Variants in ZNF493 observed in about 807,000 individuals in gnomAD.
ZNF493 encodes the protein zinc finger protein 493.
A neutral mutation model predicts 12.2 loss-of-function variants in ZNF493; 11 were observed. That is an observed-to-expected ratio of 0.90 (90% CI 0.57 to 1.50). The LOEUF is 1.50. ZNF493 is among the 40% of genes most tolerant of loss of function. ZNF493 has a pLI of 0.00. For missense variants in ZNF493, 950 were observed against 906.6 expected (o/e 1.05, Z -0.61); for synonymous variants, 286 against 302.6 (o/e 0.95, Z 0.57).
At chr19:21,401,058 C>G (rs1461348270) in intron 1 of ZNF493, among the ~76,000 whole-genome samples, 1 of 152,118 alleles carries the variant, frequency 6.6e-6, no homozygotes, top group African/African-American at 2.4e-5. Context: ...ATGCTTCCAG[C>G]TTGTGTTCAT....
rs1422039519 is a variant in ZNF493 at position 21,425,873 on chromosome 19, A to C, written c.*889A>C. The C allele has an allele frequency of 1.5e-5, 9 of 592,744 alleles. No homozygotes were observed. Among genetic ancestry groups the C allele is most frequent in the Non-Finnish European group, 2.9e-5 (9 of 312,532 alleles). 36.7% of individuals were successfully genotyped at this position (592,744 alleles called of 1,614,324 possible). A position where few individuals can be genotyped will look rare whatever the true frequency, so the allele number is the denominator to read the frequency against. On this transcript the variant is annotated 3_prime_UTR_variant, in exon 4 of 4. Transcript: ENST00000392288. ...CCATACAACTGTGAAGAATGTGGCAAAGCTTTTAACCAGTCCTCAAACTTT... is the reference window on the plus strand; with the variant it reads ...CCATACAACTGTGAAGAATGTGGCACAGCTTTTAACCAGTCCTCAAACTTT...
intron 3 of ZNF493, among the ~76,000 whole-genome samples, chr19:21,406,542 T>C (rs1452498008): frequency 1.3e-5 from 2 of 152,192 alleles, no homozygotes; most frequent in African/African-American, 4.8e-5. Flanking sequence ...AATATCTGCA[T>C]CTGCATGATT....
chr19:21,411,570 A>C (rs1236668953), intron 3 of ZNF493, among the ~76,000 whole-genome samples: 1 of 151,978 alleles, frequency 6.6e-6, no homozygotes, highest in Non-Finnish European at 1.5e-5. Context: ...AATACAAAAA[A>C]TTAGCAGGGT....
chr19:21,420,892 C>T (rs2030656789), intron 3 of ZNF493, among the ~76,000 whole-genome samples: 1 of 151,110 alleles, frequency 6.6e-6, no homozygotes, highest in Non-Finnish European at 1.5e-5. Flanking sequence ...GCTGGGATTA[C>T]AGGCAGGCAC....
chr19:21,422,036 G>T (rs1394457750), intron 3 of ZNF493, among the ~76,000 whole-genome samples: 1 of 152,096 alleles, frequency 6.6e-6, no homozygotes, highest in African/African-American at 2.4e-5. Flanking sequence ...AGTAGAGATG[G>T]GGTTTCACCA....
chr19:21,423,035 T>C lies in ZNF493; in HGVS notation c.376T>C (p.Cys126Arg). 2 of 1,613,502 alleles carry C rather than the reference T, an allele frequency of 1.2e-6. No individual in the cohort carries two copies. The highest frequency in any genetic ancestry group is 1.7e-6 in the Non-Finnish European group (2 of 1,179,784). Residue 126 changes from cysteine to arginine, a missense_variant, in exon 4 of 4, where the codon TGT becomes CGT. Cys to Arg is a radical substitution (Grantham distance 180). Transcript: ENST00000392288. ...TAAGGATTTACAGTTAAGAAAAGGA[T>C]GTAAAAGTATGAATGAGTGTAATGT... is the stretch of plus-strand genomic sequence containing the variant. ...GHKDLQLRKG[C>R]KSMNECNVHK... is the part of the protein sequence containing the mutation.
In ZNF493 at chr19:21,424,910, A is replaced by C. The variant is rs1355834943; in HGVS notation, c.2251A>C (p.Arg751=). The C allele has an allele frequency of 6.2e-7, 1 of 1,612,762 alleles. No homozygotes were observed. The highest frequency in any genetic ancestry group is 8.5e-7 in the Non-Finnish European group (1 of 1,179,370). ...YKCEACGKAF[R]RSSHLSRHKI... ...ATGTGAAGCATGTGGCAAAGCTTTTAGGCGGTCTTCACATCTTAGTAGACA... is the reference window on the plus strand; with the variant it reads ...ATGTGAAGCATGTGGCAAAGCTTTTCGGCGGTCTTCACATCTTAGTAGACA... Residue 751 remains arginine (R), a synonymous_variant, in exon 4 of 4, where the codon AGG becomes CGG. Transcript: ENST00000392288.
chr19:21,425,083 A>G lies in ZNF493; in HGVS notation c.*99A>G. ...ACCCTTAATACACATAAGATAATTA[A>G]TGCTGGAGAGAAACCCTACAAATGT... On this transcript the variant is annotated 3_prime_UTR_variant, in exon 4 of 4. Coordinates refer to ENST00000392288, the MANE Select transcript of ZNF493 (RefSeq NM_001076678.3). 8.8e-7 allele frequency: 1 copy of G among 1,140,000 alleles called. No homozygotes were observed. The highest frequency in any genetic ancestry group is 2.6e-5 in the East Asian group (1 of 38,416). 70.6% of individuals were successfully genotyped at this position (1,140,000 alleles called of 1,614,324 possible).
intron 3 of ZNF493, chr19:21,413,322 AG>A (rs777977569): frequency 8.7e-5 from 34 of 389,866 alleles, no homozygotes; most frequent in Non-Finnish European, 1.4e-4. Flanking sequence ...CATTATTACC[AG>A]CCAAGATAGA....
chr19:21,399,748 T>G (rs1374162726), intron 1 of ZNF493, among the ~76,000 whole-genome samples: 1 of 152,150 alleles, frequency 6.6e-6, no homozygotes, highest in African/African-American at 2.4e-5. Flanking sequence ...CAAACAGAAT[T>G]TCAAGGCTTA....
At position 21,424,964 on chromosome 19, in the gene ZNF493, G is replaced by A. The variant is rs765697403; in HGVS notation, c.2305G>A (p.Glu769Lys). Residue 769 changes from glutamate to lysine, a missense_variant, in exon 4 of 4, where the codon GAA (glutamate) becomes AAA (lysine). Coordinates refer to ENST00000392288, the MANE Select transcript of ZNF493 (RefSeq NM_001076678.3). ...HKIIHIGIHT[E>K]ETVQK Reference sequence around the variant, plus strand: ...GATAATTCATATTGGAATTCATACTGAAGAGACTGTACAAAAGTGAAGAAT... The same window carrying A: ...GATAATTCATATTGGAATTCATACTAAAGAGACTGTACAAAAGTGAAGAAT... The A allele has an allele frequency of 1.3e-6, 2 of 1,593,552 alleles. No homozygotes were observed. Among genetic ancestry groups the A allele is most frequent in the East Asian group, 2.2e-5 (1 of 44,650 alleles).
chr19:21,417,088 T>A (rs1027005366), intron 3 of ZNF493, among the ~76,000 whole-genome samples: 4 of 152,202 alleles, frequency 2.6e-5, no homozygotes, highest in Non-Finnish European at 5.9e-5. Context: ...AGGCCCCTCA[T>A]GGCATTTCCC....
At chr19:21,410,540 T>TA in intron 3 of ZNF493, among the ~76,000 whole-genome samples, 1 of 152,282 alleles carries the variant, frequency 6.6e-6, no homozygotes, top group East Asian at 1.9e-4. Context: ...TTTGCTCATC[T>TA]ATAAATTAAT....
intron 3 of ZNF493, chr19:21,412,344 G>A (rs767885878): frequency 6.6e-6 from 1 of 152,294 alleles, no homozygotes; most frequent in East Asian, 1.9e-4. Flanking sequence ...GTTTAAGAAT[G>A]CCTTTAAGTG....
At chr19:21,407,277 T>G (rs2030162181) in intron 3 of ZNF493, among the ~76,000 whole-genome samples, 1 of 151,990 alleles carries the variant, frequency 6.6e-6, no homozygotes, top group African/African-American at 2.4e-5. Context: ...ATTATTAATC[T>G]TAAAAAATTA....
At position 21,423,416 on chromosome 19, in the gene ZNF493, A is replaced by G. The variant is rs753277206; in HGVS notation, c.757A>G (p.Thr253Ala). Residue 253 changes from threonine (T) to alanine (A), a missense_variant, in exon 4 of 4, where the codon ACT (threonine) becomes GCT (alanine). Physicochemically the swap from Thr to Ala is moderately conservative, Grantham distance 58. Coordinates refer to ENST00000392288, the MANE Select transcript of ZNF493 (RefSeq NM_001076678.3). ...GKSFNQDSNL[T>A]THKRIHTGQK... is the part of the protein sequence containing the mutation. Reference sequence around the variant, plus strand: ...ATCTTTTAACCAGGACTCAAACCTTACTACACATAAGAGAATTCATACTGG... The same window carrying G: ...ATCTTTTAACCAGGACTCAAACCTTGCTACACATAAGAGAATTCATACTGG... The G allele has an allele frequency of 6.2e-7, 1 of 1,613,734 alleles. No individual in the cohort carries two copies. Among genetic ancestry groups the G allele is most frequent in the Non-Finnish European group, 8.5e-7 (1 of 1,179,826 alleles).
chr19:21,401,185 A>G (rs2029932570), intron 1 of ZNF493, among the ~76,000 whole-genome samples: 1 of 152,192 alleles, frequency 6.6e-6, no homozygotes, highest in African/African-American at 2.4e-5. Context: ...TTTCATTGCA[A>G]GCTTTTTTAA....
At chr19:21,405,410 T>A (rs2030089395) in intron 2 of ZNF493, 155 bp downstream of exon 2, 3 of 1,450,296 alleles carry the variant, frequency 2.1e-6, no homozygotes, top group Non-Finnish European at 1.8e-6. Flanking sequence ...TGGAAAAAAA[T>A]TTCTTCAGGA....
In ZNF493 at chr19:21,425,460, GCTTTTAACAAAT is replaced by G; in HGVS notation, c.*478_*489del. ...ATACAAATGTGAAGAATGTGGCAAAGCTTTTAACAAATCCTCATCCATTAGTAAACATAAGAT... is the reference window on the plus strand; with the variant it reads ...ATACAAATGTGAAGAATGTGGCAAAGCCTCATCCATTAGTAAACATAAGAT... On this transcript the variant is annotated 3_prime_UTR_variant, in exon 4 of 4. Transcript: ENST00000392288. 6.5e-6 allele frequency: 3 copies of G among 464,344 alleles called. No individual in the cohort carries two copies. Among genetic ancestry groups the G allele is most frequent in the Non-Finnish European group, 1.3e-5 (3 of 237,940 alleles). The allele number at this position is 464,344 out of a possible 1,614,324, so 28.8% of individuals were successfully genotyped here. A position where few individuals can be genotyped will look rare whatever the true frequency, so the allele number is the denominator to read the frequency against.
Sources: gnomAD v4.1 joint callset for allele counts (sites outside exome capture counted in the v4.1 genomes callset) on GRCh38, gnomAD v4.1.1 for gene constraint, MANE v1.5 for transcripts, NCBI Gene and HGNC (gene_info 2026-07-23, HGNC 2026-07-21) for gene names.